Variants in NDE1 observed in about 807,000 individuals in gnomAD.
NDE1 encodes nudE neurodevelopment protein 1.
In NDE1, 28 loss-of-function variants were observed where a neutral mutation model predicts 43.4. That is an observed-to-expected ratio of 0.65 (90% CI 0.48 to 0.89). The LOEUF is 0.89. NDE1 is among the 40% of genes least tolerant of loss of function. The pLI is 0.00. For synonymous variants in NDE1, 184 were observed against 172.0 expected (o/e 1.07, Z -0.55); for missense variants, 441 against 434.1 (o/e 1.02, Z -0.14).
In NDE1 at chr16:15,710,053, T is replaced by C. The variant is rs758900769; in HGVS notation, c.947+13193T>C. ...CTCAGGGCTCTAGTGCCTGATTTTA[T>C]GTTTTTGTGCACCCAAAAGATGCAG... On this transcript the variant is annotated intron_variant, in intron 8 of 8. Coordinates refer to ENST00000396354, the MANE Select transcript of NDE1 (RefSeq NM_017668.3). Among the ~76,000 whole-genome samples, 34 of 152,338 alleles carry C rather than the reference T, an allele frequency of 2.2e-4. No homozygotes were observed. In the East Asian group the frequency reaches 2.7e-3, roughly 12 times the overall value.
In NDE1 at chr16:15,694,340, C is replaced by G. The variant is rs758783138; in HGVS notation, c.795+84C>G. The G allele has an allele frequency of 2.8e-5, 44 of 1,562,074 alleles. No individual in the cohort carries two copies. In the South Asian group the frequency reaches 4.9e-4, roughly 17 times the overall value. ...AGGGGGTTGATCTAGTTCCTTCCCT[C>G]TCTTCTTTTTTTCTTTTTTTTTAGA... On this transcript the variant is annotated intron_variant, in intron 7 of 8. Transcript: ENST00000396354.
chr16:15,705,648 A>G (rs953783331), intron 8 of NDE1, among the ~76,000 whole-genome samples: 5 of 152,140 alleles, frequency 3.3e-5, no homozygotes, highest in African/African-American at 4.8e-5. Flanking sequence ...ATAAGAAGCC[A>G]TAAGGATGAA....
At chr16:15,721,491 C>T (rs762889673) in intron 8 of NDE1, 2 of 1,614,206 alleles carry the variant, frequency 1.2e-6, no homozygotes, top group Non-Finnish European at 1.7e-6. Context: ...TGTTGGTCCG[C>T]TCGAGTTCCT....
intron 7 of NDE1, chr16:15,694,796 T>A: frequency 1.0e-6 from 1 of 985,444 alleles, no homozygotes; most frequent in Non-Finnish European, 1.2e-6. Context: ...TCTTTCCTTT[T>A]ACCGTTTTTC....
intron 8 of NDE1, chr16:15,699,570 G>T (rs146901514): frequency 8.4e-7 from 1 of 1,189,386 alleles, no homozygotes; most frequent in East Asian, 5.9e-5. Flanking sequence ...GAGCCAGGTA[G>T]CCAGTGTCCT....
intron 2 of NDE1, among the ~76,000 whole-genome samples, 169 bp downstream of exon 2, chr16:15,665,030 G>C (rs1173352974): frequency 6.6e-6 from 1 of 151,712 alleles, no homozygotes; most frequent in Non-Finnish European, 1.5e-5. Context: ...CAAGTAGATG[G>C]GACTATAGGT....
intron 8 of NDE1, chr16:15,708,738 C>A (rs569219458): frequency 1.3e-6 from 2 of 1,517,342 alleles, no homozygotes; most frequent in Admixed American, 1.9e-5. Context: ...GGCAGAGGGG[C>A]GCATTGGGCA....
chr16:15,717,320 G>T (rs2040212652), intron 8 of NDE1: 1 of 1,610,580 alleles, frequency 6.2e-7, no homozygotes, highest in South Asian at 1.1e-5. Flanking sequence ...GCTGCGCTCT[G>T]TGGCCAGCTC....
intron 8 of NDE1, among the ~76,000 whole-genome samples, chr16:15,711,652 C>A (rs2039801537): frequency 6.6e-6 from 1 of 151,986 alleles, no homozygotes; most frequent in South Asian, 2.1e-4. Flanking sequence ...TATCTAGGAC[C>A]CGAGGGATAA....
rs1264579700 is a variant in NDE1 at position 15,720,178 on chromosome 16, T to C, written c.948-4013T>C. 3.1e-6 allele frequency: 5 copies of C among 1,613,986 alleles called. No individual in the cohort carries two copies. The highest frequency in any genetic ancestry group is 1.3e-5 in the African/African-American group (1 of 74,904). On this transcript the variant is annotated intron_variant, in intron 8 of 8. Transcript: ENST00000396354. Reference sequence around the variant, plus strand: ...GCAGTTTGCGTAGCTGCTTGATGGCTTCCTCCCTCCCCTTGATGGCAGAGT... The same window carrying C: ...GCAGTTTGCGTAGCTGCTTGATGGCCTCCTCCCTCCCCTTGATGGCAGAGT...
intron 8 of NDE1, chr16:15,715,106 G>GT: frequency 6.2e-7 from 1 of 1,602,666 alleles, no homozygotes; most frequent in Non-Finnish European, 8.5e-7. Flanking sequence ...TGGAGGGGTG[G>GT]TTAGGGGAGG....
At chr16:15,694,353 C>CTT in intron 7 of NDE1, 97 bp downstream of exon 7, 1 of 1,518,272 alleles carries the variant, frequency 6.6e-7, no homozygotes. Flanking sequence ...TTCTTTTTTT[C>CTT]TTTTTTTTTA....
chr16:15,657,490 A>G (rs2036829861), intron 1 of NDE1, among the ~76,000 whole-genome samples: 3 of 152,208 alleles, frequency 2.0e-5, no homozygotes, highest in African/African-American at 7.2e-5. Flanking sequence ...AGTACATATT[A>G]CATGAGATCT....
chr16:15,665,037 A>G (rs577539076), intron 2 of NDE1, among the ~76,000 whole-genome samples, 176 bp downstream of exon 2: 5 of 151,064 alleles, frequency 3.3e-5, no homozygotes, highest in African/African-American at 1.2e-4. Context: ...ATGGGACTAT[A>G]GGTGTGCTTC....
chr16:15,718,001 A>G (rs1423037574), intron 8 of NDE1: 4 of 458,082 alleles, frequency 8.7e-6, no homozygotes, highest in South Asian at 2.1e-5. Context: ...ATAAGGTCAG[A>G]GCTTCAGCTA....
intron 4 of NDE1, among the ~76,000 whole-genome samples, chr16:15,678,968 C>T (rs1382673977): frequency 5.9e-5 from 9 of 151,776 alleles, no homozygotes; most frequent in Admixed American, 1.3e-4. Flanking sequence ...CCCAGCTAGT[C>T]GGGAGGCTGA....
At position 15,724,985 on chromosome 16, in the gene NDE1, A is replaced by C. The variant is rs16967510; in HGVS notation, c.*734A>C. ...GTTAAGCATCCCTGTGACGCTCTCA[A>C]CTTCATTCTAAGGGTGCCAAGAGAC... On this transcript the variant is annotated 3_prime_UTR_variant, in exon 9 of 9. Transcript: ENST00000396354. 3 of 1,613,410 alleles carry C rather than the reference A, an allele frequency of 1.9e-6. No homozygotes were observed.
rs759244620 is a variant in NDE1, at chr16:15,703,943, T to G, written c.947+7083T>G. ...TTGTTGGGTTTTTTTTGTTTGTTTG[T>G]TTTGGTTTTTGGTTTTCTTGCCGTG... On this transcript the variant is annotated intron_variant, in intron 8 of 8. Coordinates refer to ENST00000396354, the MANE Select transcript of NDE1 (RefSeq NM_017668.3). 5 of 1,612,984 alleles carry G rather than the reference T, an allele frequency of 3.1e-6. No homozygotes were observed. In the African/African-American group the frequency reaches 6.7e-5, roughly 22 times the overall value.
chr16:15,697,965 C>T (rs1027191585), intron 8 of NDE1, among the ~76,000 whole-genome samples: 2 of 151,682 alleles, frequency 1.3e-5, no homozygotes, highest in African/African-American at 4.8e-5. Flanking sequence ...TGCCACCATG[C>T]CCAGCTAATT....
Sources: gnomAD v4.1 joint callset for allele counts (sites outside exome capture counted in the v4.1 genomes callset) on GRCh38, gnomAD v4.1.1 for gene constraint, MANE v1.5 for transcripts, NCBI Gene and HGNC (gene_info 2026-07-23, HGNC 2026-07-21) for gene names.